The following NUBPL variants were observed in gnomAD, a reference collection of about 807,000 sequenced individuals.
The protein encoded by NUBPL is NUBP iron-sulfur cluster assembly factor, mitochondrial.
In NUBPL, 31 loss-of-function variants were observed where a neutral mutation model predicts 45.7. The ratio of observed to expected loss-of-function variants is 0.68; its 90% CI spans 0.51 to 0.92. The LOEUF (loss-of-function observed/expected upper bound fraction) is 0.92, where lower values mean the gene tolerates loss of function less well. Ranked by LOEUF, NUBPL falls within the 40% of genes least tolerant of loss-of-function variation. The pLI is 0.00. For missense variants in NUBPL, 401 were observed against 398.7 expected (o/e 1.01, Z -0.05); for synonymous variants, 144 against 140.9 (o/e 1.02, Z -0.15).
chr14:31,857,251 G>C (rs550053891), intron 10 of NUBPL, among the ~76,000 whole-genome samples: 1 of 152,266 alleles, frequency 6.6e-6, no homozygotes, highest in East Asian at 1.9e-4. Context: ...TTTCAGCCAT[G>C]GCTGGAGCAG....
At chr14:31,739,742 T>C (rs774854832) in intron 6 of NUBPL, among the ~76,000 whole-genome samples, 1 of 152,226 alleles carries the variant, frequency 6.6e-6, no homozygotes, top group Non-Finnish European at 1.5e-5. Context: ...CAATATATAA[T>C]GACATATATC....
At chr14:31,777,457 GT>G (rs1462046123) in intron 6 of NUBPL, among the ~76,000 whole-genome samples, 2 of 152,192 alleles carry the variant, frequency 1.3e-5, no homozygotes, top group Non-Finnish European at 1.5e-5. Flanking sequence ...GCTAAAATGA[GT>G]TTAAAGTCTT....
At chr14:31,672,402 AAATT>A (rs2036593617) in intron 4 of NUBPL, among the ~76,000 whole-genome samples, 2 of 152,218 alleles carry the variant, frequency 1.3e-5, no homozygotes, top group South Asian at 4.1e-4. Flanking sequence ...AAATTGGACA[AAATT>A]AGTTATTGAG....
At chr14:31,640,645 A>T (rs1383890798) in intron 4 of NUBPL, among the ~76,000 whole-genome samples, 1 of 151,296 alleles carries the variant, frequency 6.6e-6, no homozygotes, top group South Asian at 2.1e-4. Flanking sequence ...AACACTAATT[A>T]GATTAATCAT....
intron 4 of NUBPL, among the ~76,000 whole-genome samples, chr14:31,646,620 C>G (rs34980861): frequency 0.02 from 3,012 of 152,124 alleles, 59 homozygotes; most frequent in Non-Finnish European, 0.028. Flanking sequence ...TCTCTTTTCT[C>G]TTGCTGCTTT....
At chr14:31,748,640 T>G (rs948438959) in intron 6 of NUBPL, among the ~76,000 whole-genome samples, 1 of 152,050 alleles carries the variant, frequency 6.6e-6, no homozygotes, top group South Asian at 2.1e-4. Context: ...TGAGACAGAG[T>G]CTTTCTTTGT....
chr14:31,829,588 C>CA (rs1037380203), intron 8 of NUBPL, among the ~76,000 whole-genome samples: 3 of 152,086 alleles, frequency 2.0e-5, no homozygotes, highest in African/African-American at 7.2e-5. Flanking sequence ...TTTATAAATA[C>CA]AAAAAAAGAT....
chr14:31,679,587 C>G (rs1026058471), intron 6 of NUBPL, among the ~76,000 whole-genome samples: 2 of 152,110 alleles, frequency 1.3e-5, no homozygotes, highest in African/African-American at 4.8e-5. Context: ...ATCATCTATT[C>G]TGGATATGCA....
At chr14:31,702,599 C>G (rs1476412102) in intron 6 of NUBPL, among the ~76,000 whole-genome samples, 4 of 152,172 alleles carry the variant, frequency 2.6e-5, no homozygotes, top group Non-Finnish European at 4.4e-5. Context: ...GGATATTAAC[C>G]TAGTAGCTAT....
intron 4 of NUBPL, among the ~76,000 whole-genome samples, chr14:31,611,291 C>A (rs1237854612): frequency 1.3e-5 from 2 of 152,104 alleles, no homozygotes; most frequent in Admixed American, 6.6e-5. Context: ...CAACAGTGAA[C>A]AATCTTAGAA....
intron 4 of NUBPL, among the ~76,000 whole-genome samples, chr14:31,637,503 T>A (rs2035540965): frequency 6.6e-6 from 1 of 152,226 alleles, no homozygotes; most frequent in Admixed American, 6.5e-5. Flanking sequence ...AGAGCTTTAC[T>A]TCCAAGTATG....
chr14:31,722,027 C>A (rs940161849), intron 6 of NUBPL, among the ~76,000 whole-genome samples: 2 of 151,972 alleles, frequency 1.3e-5, no homozygotes, highest in African/African-American at 4.8e-5. Context: ...GACAGAGTCT[C>A]GTTCTGTCGC....
In NUBPL at chr14:31,752,750, A is replaced by T. The variant is rs148658969; in HGVS notation, c.514-35030A>T. Among the ~76,000 whole-genome samples, 17 of 152,340 alleles carry T rather than the reference A, an allele frequency of 1.1e-4. No homozygotes were observed. The East Asian group carries it at 3.3e-3, about 29-fold the overall frequency. On this transcript the variant is annotated intron_variant, in intron 6 of 10. Transcript: ENST00000281081. ...GCAGTACCCCAGTATCCTGGTACCA[A>T]TTTCCTGTATTAGTCTGTTTTCATA... is the stretch of plus-strand genomic sequence containing the variant.
chr14:31,617,580 A>G (rs926166031), intron 4 of NUBPL, among the ~76,000 whole-genome samples: 1 of 152,152 alleles, frequency 6.6e-6, no homozygotes, highest in Non-Finnish European at 1.5e-5. Context: ...GATCACGTTT[A>G]TTGATTTGCA....
chr14:31,807,971 C>G (rs1454277890), intron 7 of NUBPL, among the ~76,000 whole-genome samples: 2 of 152,088 alleles, frequency 1.3e-5, no homozygotes, highest in Non-Finnish European at 1.5e-5. Flanking sequence ...TGTTCTGTTC[C>G]ATTGATCTAT....
chr14:31,659,918 A>T, intron 4 of NUBPL, among the ~76,000 whole-genome samples: 1 of 152,184 alleles, frequency 6.6e-6, no homozygotes, highest in East Asian at 1.9e-4. Context: ...TAAAGGAAAG[A>T]TATGCCTGAA....
chr14:31,793,844 T>TATA (rs1483293818), intron 7 of NUBPL, among the ~76,000 whole-genome samples: 1 of 126,250 alleles, frequency 7.9e-6, no homozygotes, highest in Non-Finnish European at 1.5e-5. Context: ...TTTTTTTATT[T>TATA]TTTTTTTTAT....
chr14:31,755,695 T>G (rs1354089011), intron 6 of NUBPL, among the ~76,000 whole-genome samples: 1 of 152,196 alleles, frequency 6.6e-6, no homozygotes, highest in Non-Finnish European at 1.5e-5. Flanking sequence ...AGAAGCTCTT[T>G]AGTTTAATTA....
intron 6 of NUBPL, among the ~76,000 whole-genome samples, chr14:31,709,979 A>G (rs1261360145): frequency 6.6e-6 from 1 of 152,154 alleles, no homozygotes; most frequent in Non-Finnish European, 1.5e-5. Flanking sequence ...CTTCAATGAA[A>G]AGAAAGCTTG....
Sources: allele counts gnomAD v4.1 joint callset (sites outside exome capture counted in the v4.1 genomes callset), GRCh38; gene constraint gnomAD v4.1.1; transcripts MANE v1.5; gene names NCBI Gene and HGNC (gene_info 2026-07-23, HGNC 2026-07-21).